The following ZNF451 variants were observed in gnomAD, a reference collection of about 807,000 sequenced individuals.
ZNF451 encodes the protein E3 SUMO-protein ligase ZNF451.
In ZNF451, 80 loss-of-function variants were observed where a neutral mutation model predicts 107.1. The ratio of observed to expected loss-of-function variants is 0.75; its 90% CI spans 0.62 to 0.90. ZNF451 has a LOEUF of 0.90. Among genes scored for constraint, ZNF451 ranks in the 40% least tolerant of loss-of-function variants. The probability of loss-of-function intolerance (pLI) is 0.00; values close to 1 mark genes in which losing one functional copy is unlikely to be tolerated. For synonymous variants in ZNF451, 362 were observed against 406.5 expected (o/e 0.89, Z 1.32); for missense variants, 1,107 against 1,236.2 (o/e 0.90, Z 1.57).
At chr6:57,104,497 TTAAAC>T (rs1829752874) in intron 3 of ZNF451, 1 of 985,288 alleles carries the variant, frequency 1.0e-6, no homozygotes, top group Non-Finnish European at 1.2e-6. Flanking sequence ...ATTTCAAACC[TTAAAC>T]TAAACCGAAA....
At chr6:57,136,410 A>G (rs1213989009) in intron 7 of ZNF451, among the ~76,000 whole-genome samples, 2 of 152,176 alleles carry the variant, frequency 1.3e-5, no homozygotes, top group Admixed American at 1.3e-4. Context: ...AGATGTGGAC[A>G]AAGAGACCAG....
chr6:57,090,301 G>A (rs1403781845), intron 1 of ZNF451, 27 bp downstream of exon 1: 1 of 1,609,426 alleles, frequency 6.2e-7, no homozygotes. Flanking sequence ...GGGTCCTGGC[G>A]TTCTCAGAGG....
chr6:57,140,587 A>G (rs1831703288), intron 7 of ZNF451, among the ~76,000 whole-genome samples: 2 of 152,166 alleles, frequency 1.3e-5, no homozygotes, highest in Non-Finnish European at 2.9e-5. Context: ...GAGAATAAGA[A>G]AAAAGCACCT....
intron 3 of ZNF451, chr6:57,108,280 AC>A: frequency 1.0e-5 from 10 of 985,348 alleles, no homozygotes; most frequent in Non-Finnish European, 1.2e-5. Flanking sequence ...TTCTTTCATT[AC>A]CCGTAAGAGT....
chr6:57,159,965 GTTTATA>G (rs1047245241), intron 13 of ZNF451, among the ~76,000 whole-genome samples: 5 of 151,990 alleles, frequency 3.3e-5, no homozygotes, highest in Admixed American at 6.6e-5. Flanking sequence ...ATGCATATCT[GTTTATA>G]TTTGTATAAT....
At chr6:57,118,131 C>G (rs1343172512) in intron 3 of ZNF451, among the ~76,000 whole-genome samples, 7 of 152,090 alleles carry the variant, frequency 4.6e-5, no homozygotes, top group African/African-American at 7.2e-5. Flanking sequence ...CTTCTAGTCT[C>G]CAGACAAATT....
intron 3 of ZNF451, chr6:57,101,214 A>G (rs1829578925): frequency 1.2e-5 from 18 of 1,550,976 alleles, no homozygotes; most frequent in Middle Eastern, 3.3e-4. Flanking sequence ...AGAGAATGGA[A>G]CAAAGAGGTG....
intron 9 of ZNF451, among the ~76,000 whole-genome samples, chr6:57,142,327 C>A (rs1593149278): frequency 6.7e-6 from 1 of 148,614 alleles, no homozygotes; most frequent in East Asian, 1.9e-4. Flanking sequence ...TGTGTATGTT[C>A]TTCTGTGTGT....
chr6:57,151,030 C>G, intron 11 of ZNF451, 168 bp downstream of exon 11: 1 of 799,350 alleles, frequency 1.3e-6, no homozygotes, highest in Non-Finnish European at 1.9e-6. Flanking sequence ...TTACATGCCT[C>G]TGTGGTAAAT....
chr6:57,147,557 T>A lies in ZNF451; in HGVS notation c.1472T>A (p.Phe491Tyr). ...PSEDAVEKHV[F>Y]SANTMGYKCV... ...GAAGATGCAGTAGAAAAGCATGTTT[T>A]CTCAGCAAACACAATGGGTTATAAA... Residue 491 changes from phenylalanine (F) to tyrosine (Y), a missense_variant, in exon 10 of 15, where the codon TTC becomes TAC. By Grantham distance (22) the Phe-to-Tyr change is conservative. Transcript: ENST00000370706. 1 of 1,614,140 alleles carries A rather than the reference T, an allele frequency of 6.2e-7. No homozygotes were observed. Among genetic ancestry groups the A allele is most frequent in the Non-Finnish European group, 8.5e-7 (1 of 1,179,994 alleles).
At chr6:57,105,588 T>C in intron 3 of ZNF451, 1 of 985,428 alleles carries the variant, frequency 1.0e-6, no homozygotes, top group Non-Finnish European at 1.2e-6. Flanking sequence ...GGTTGTAGAG[T>C]ATACCTCCCT....
At position 57,155,818 on chromosome 6, in the gene ZNF451, CTTTTT is replaced by C. The variant is rs528621372; in HGVS notation, c.3070+1788_3070+1792del. ...AAATGACTCTTATGTTCTAGGTATTCTTTTTTTTTTTTTTTTTTTTTAATCACTCA... is the reference window on the plus strand; with the variant it reads ...AAATGACTCTTATGTTCTAGGTATTCTTTTTTTTTTTTTTTTAATCACTCA... On this transcript the variant is annotated intron_variant, in intron 13 of 14. Coordinates refer to ENST00000370706, the MANE Select transcript of ZNF451 (RefSeq NM_001031623.3). 1.4e-4 allele frequency among the ~76,000 whole-genome samples: 15 copies of C among 107,292 alleles called. No individual in the cohort carries two copies. In the East Asian group the frequency reaches 4.1e-3, roughly 29 times the overall value. 70.4% of individuals were successfully genotyped at this position (107,292 alleles called of 152,430 possible).
intron 14 of ZNF451, chr6:57,164,853 T>C (rs1269710953): frequency 6.6e-6 from 1 of 152,214 alleles, no homozygotes; most frequent in Admixed American, 6.5e-5. Flanking sequence ...AACACAGAGC[T>C]AGCCACAGAA....
At chr6:57,107,003 AT>A in intron 3 of ZNF451, 1 of 931,624 alleles carries the variant, frequency 1.1e-6, no homozygotes, top group Non-Finnish European at 1.3e-6. Context: ...ATCTTCTCTT[AT>A]TAGTGGAATA....
In ZNF451 at chr6:57,147,209, C is replaced by A. The variant is rs574928676; in HGVS notation, c.1124C>A (p.Thr375Asn). The change falls in exon 10 of 15, where the codon ACC (threonine) becomes AAC (asparagine). Residue 375 changes from threonine (T) to asparagine (N), a missense_variant. Physicochemically the swap from Thr to Asn is moderately conservative, Grantham distance 65. This residue lies in a region of ZNF451 where 608 missense variants were observed against 649.2 expected (regional missense o/e 0.94). Coordinates refer to ENST00000370706, the MANE Select transcript of ZNF451 (RefSeq NM_001031623.3). ...TGCAATCAAGTCTTTGTGGATGAAA[C>A]CAGCACCCAAAATCATAAGCAGAAT... ...PDCNQVFVDE[T>N]STQNHKQNSG... The A allele has an allele frequency of 6.2e-7, 1 of 1,613,984 alleles. No individual in the cohort carries two copies. The highest frequency in any genetic ancestry group is 1.3e-5 in the African/African-American group (1 of 75,016).
chr6:57,100,495 A>G (rs775885906), intron 3 of ZNF451: 80 of 1,240,190 alleles, frequency 6.5e-5, no homozygotes, highest in Non-Finnish European at 8.0e-5. Flanking sequence ...ATAATAATTT[A>G]AAAATTGAGT....
chr6:57,098,561 T>C (rs1472462190), intron 2 of ZNF451, among the ~76,000 whole-genome samples: 1 of 152,234 alleles, frequency 6.6e-6, no homozygotes, highest in Non-Finnish European at 1.5e-5. Context: ...GAATAAAATC[T>C]AGGCTTTTAA....
At chr6:57,128,640 AG>A in intron 4 of ZNF451, 88 bp from the exon 5 acceptor site, 1 of 763,194 alleles carries the variant, frequency 1.3e-6, no homozygotes, top group Non-Finnish European at 2.2e-6. Context: ...AAAAGTAATC[AG>A]TATTTTCTGA....
In ZNF451 at chr6:57,168,407, A is replaced by G. The variant is rs1339793922; in HGVS notation, c.3140-16A>G. 1.9e-6 allele frequency: 3 copies of G among 1,586,874 alleles called. No homozygotes were observed. Among genetic ancestry groups the G allele is most frequent in the South Asian group, 1.1e-5 (1 of 88,784 alleles). ...TTTCTGCCCTAAGTGTTAAAATTCT[A>G]TGTTTTTTAATGCAGATGTGGAATT... On this transcript the variant is annotated splice_polypyrimidine_tract_variant and intron_variant, in intron 14 of 14. Transcript: ENST00000370706.
Sources: gnomAD v4.1 joint callset for allele counts (sites outside exome capture counted in the v4.1 genomes callset) on GRCh38, gnomAD v4.1.1 for gene constraint, gnomAD v4.1.1 regional missense constraint, MANE v1.5 for transcripts, NCBI Gene and HGNC (gene_info 2026-07-23, HGNC 2026-07-21) for gene names.